The following PELI2 variants were observed in gnomAD, a reference collection of about 807,000 sequenced individuals.
PELI2 encodes the protein E3 ubiquitin-protein ligase pellino homolog 2.
Under a neutral mutation model 42.3 loss-of-function variants are expected in PELI2, and 23 were observed. That is an observed-to-expected ratio of 0.54 (90% confidence interval 0.39 to 0.77). The LOEUF (loss-of-function observed/expected upper bound fraction) is 0.77. PELI2 is among the 30% of genes least tolerant of loss of function. The pLI is 0.00. For missense variants in PELI2, 463 were observed against 553.2 expected (o/e 0.84, Z 1.64); for synonymous variants, 245 against 212.2 (o/e 1.15, Z -1.34).
chr14:56,166,673 A>C (rs549842620), intron 1 of PELI2, among the ~76,000 whole-genome samples: 2 of 151,962 alleles, frequency 1.3e-5, no homozygotes, highest in Non-Finnish European at 2.9e-5. Context: ...TTCCTTCAGC[A>C]CTTTATGTCA....
intron 3 of PELI2, among the ~76,000 whole-genome samples, chr14:56,286,364 G>A (rs951008499): frequency 2.0e-5 from 3 of 152,226 alleles, no homozygotes; most frequent in African/African-American, 7.2e-5. Context: ...GGAATTGGTT[G>A]AGGGAGGTGA....
chr14:56,237,599 G>A (rs1266467326), intron 2 of PELI2, among the ~76,000 whole-genome samples: 1 of 150,992 alleles, frequency 6.6e-6, no homozygotes, highest in African/African-American at 2.4e-5. Context: ...CTCTTCCCTC[G>A]GTGTCTCTAG....
intron 2 of PELI2, among the ~76,000 whole-genome samples, chr14:56,229,042 G>C (rs541883045): frequency 6.6e-6 from 1 of 152,260 alleles, no homozygotes; most frequent in Non-Finnish European, 1.5e-5. Context: ...TGGCAGCAAG[G>C]CTCGGGGAGG....
chr14:56,187,334 G>A (rs1418175341), intron 2 of PELI2, among the ~76,000 whole-genome samples: 2 of 152,148 alleles, frequency 1.3e-5, no homozygotes, highest in African/African-American at 4.8e-5. Context: ...ACCTACAAGG[G>A]ACAAGTTTGT....
Position 56,297,984 on chromosome 14 carries a change from A to G in PELI2, c.*818A>G, listed in dbSNP as rs973882396. 14 of 152,200 alleles carry G rather than the reference A, an allele frequency of 9.2e-5. No homozygotes were observed. The highest frequency in any genetic ancestry group is 3.4e-4 in the African/African-American group (14 of 41,460). The allele number at this position is 152,200 out of a possible 1,614,324, so 9.4% of individuals were successfully genotyped here. On this transcript the variant is annotated 3_prime_UTR_variant, in exon 6 of 6. Coordinates refer to ENST00000267460, the MANE Select transcript of PELI2 (RefSeq NM_021255.3). ...CTCATTAACTGAGGGTAATTACAGT[A>G]GTAGACATGGTCTGGGTACTATACT...
chr14:56,290,122 T>C (rs1889778925), intron 4 of PELI2, 146 bp from the exon 5 acceptor site: 1 of 572,990 alleles, frequency 1.7e-6, no homozygotes, highest in African/African-American at 1.8e-5. Context: ...TATGTTATCC[T>C]TGTGATTATT....
At chr14:56,138,590 G>A (rs1413085108) in intron 1 of PELI2, among the ~76,000 whole-genome samples, 1 of 152,016 alleles carries the variant, frequency 6.6e-6, no homozygotes, top group African/African-American at 2.4e-5. Context: ...TTCGTAAAAT[G>A]TCCTGTTTAG....
At chr14:56,215,364 G>A (rs1010757838) in intron 2 of PELI2, among the ~76,000 whole-genome samples, 5 of 152,180 alleles carry the variant, frequency 3.3e-5, no homozygotes, top group African/African-American at 1.2e-4. Context: ...ATAACACACA[G>A]GAAAGCCCGC....
At chr14:56,221,412 G>T (rs575479572) in intron 2 of PELI2, among the ~76,000 whole-genome samples, 59 of 152,322 alleles carry the variant, frequency 3.9e-4, no homozygotes, top group African/African-American at 1.4e-3. Flanking sequence ...CTAGGAATAG[G>T]CACATGGTTT....
intron 2 of PELI2, among the ~76,000 whole-genome samples, chr14:56,277,366 T>C (rs535684447): frequency 1.3e-5 from 2 of 152,086 alleles, no homozygotes; most frequent in Non-Finnish European, 2.9e-5. Flanking sequence ...GGATCTAGGT[T>C]GCGTGTTCCT....
intron 2 of PELI2, among the ~76,000 whole-genome samples, chr14:56,259,606 C>A (rs2139833185): frequency 6.6e-6 from 1 of 152,226 alleles, no homozygotes; most frequent in South Asian, 2.1e-4. Context: ...ATTATAAAAT[C>A]TCTCAGGAAA....
chr14:56,225,843 G>T (rs1168805156), intron 2 of PELI2, among the ~76,000 whole-genome samples: 1 of 152,160 alleles, frequency 6.6e-6, no homozygotes, highest in East Asian at 1.9e-4. Context: ...GGTGGGCAGG[G>T]GGTCCCTTGC....
intron 1 of PELI2, among the ~76,000 whole-genome samples, chr14:56,129,156 G>A (rs1211735260): frequency 6.6e-6 from 1 of 152,164 alleles, no homozygotes; most frequent in Non-Finnish European, 1.5e-5. Context: ...AACATTTCAA[G>A]GCATTATTGC....
intron 2 of PELI2, among the ~76,000 whole-genome samples, chr14:56,247,477 A>G (rs1382977): frequency 0.33 from 50,777 of 152,166 alleles, 10,919 homozygotes; most frequent in African/African-American, 0.62. Context: ...ACCTACACAT[A>G]TAAATGTACA....
chr14:56,147,330 G>C (rs1358126431), intron 1 of PELI2, among the ~76,000 whole-genome samples: 1 of 152,160 alleles, frequency 6.6e-6, no homozygotes, highest in Non-Finnish European at 1.5e-5. Context: ...GGAATTGCTA[G>C]GTCTTGTGAT....
intron 2 of PELI2, among the ~76,000 whole-genome samples, chr14:56,191,403 A>G (rs1235101138): frequency 6.6e-6 from 1 of 152,244 alleles, no homozygotes; most frequent in Non-Finnish European, 1.5e-5. Context: ...ACACTCGAGT[A>G]GAATCCTCAG....
chr14:56,208,419 A>C (rs11624369), intron 2 of PELI2, among the ~76,000 whole-genome samples: 61,246 of 152,102 alleles, frequency 0.4, 13,043 homozygotes, highest in South Asian at 0.53. Context: ...AAGTATTTCT[A>C]TTTCACTGGA....
intron 1 of PELI2, among the ~76,000 whole-genome samples, chr14:56,176,078 A>G (rs1454106124): frequency 1.3e-5 from 2 of 152,252 alleles, no homozygotes; most frequent in Non-Finnish European, 2.9e-5. Context: ...AGGTTGAGTC[A>G]GATGTCAGCC....
rs1323643905 is a variant in PELI2 at position 56,118,645 on chromosome 14, G to A, written c.-16G>A. The A allele has an allele frequency of 2.2e-6, 3 of 1,382,528 alleles. No individual in the cohort carries two copies. In the South Asian group the frequency reaches 4.9e-5, roughly 23 times the overall value. The allele number at this position is 1,382,528 out of a possible 1,614,324, so 85.6% of individuals were successfully genotyped here. On this transcript the variant is annotated 5_prime_UTR_variant, in exon 1 of 6. Transcript: ENST00000267460. ...CGGCGGCGTCGGCGGCGGCGTCGGC[G>A]GCCGAGCGGGGCTCCATGTTTTCCC...
Sources: gnomAD v4.1 joint callset for allele counts (sites outside exome capture counted in the v4.1 genomes callset) on GRCh38, gnomAD v4.1.1 for gene constraint, MANE v1.5 for transcripts, NCBI Gene and HGNC (gene_info 2026-07-23, HGNC 2026-07-21) for gene names.